Variants in TUBB4A observed in about 807,000 individuals in gnomAD.
TUBB4A encodes the protein tubulin beta-4A chain.
In TUBB4A, 13 loss-of-function variants were observed where a neutral mutation model predicts 35.1. The ratio of observed to expected loss-of-function variants is 0.37; its 90% CI spans 0.24 to 0.59. The LOEUF is 0.59. Ranked by LOEUF, TUBB4A falls within the 20% of genes least tolerant of loss-of-function variation. The pLI, the probability that TUBB4A is intolerant of heterozygous loss-of-function variation, is 0.71. For missense variants in TUBB4A, 299 were observed against 647.2 expected (o/e 0.46, Z 5.84); for synonymous variants, 279 against 272.4 (o/e 1.02, Z -0.24).
chr19:6,502,338 T>C (rs1165474218), upstream of TUBB4A: 5 of 1,123,914 alleles, frequency 4.4e-6, no homozygotes. Context: ...AGCCGCTATA[T>C]GAGCGGGCGG....
chr19:6,495,773 G>A lies in TUBB4A; in HGVS notation c.726C>T (p.Phe242=). 6.2e-7 allele frequency: 1 copy of A among 1,614,242 alleles called. No individual in the cohort carries two copies. ...GCAGGTCGGCGTTCAGCTGGCCCGG[G>A]AAGCGCAGGCAGGTGGTGACCCCGC... is the stretch of plus-strand genomic sequence containing the variant. ...TMSGVTTCLR[F]PGQLNADLRK... is the part of the protein sequence containing the mutation. The change falls in exon 4 of 4, where the codon TTC becomes TTT. Residue 242 remains phenylalanine, a synonymous_variant. Transcript: ENST00000264071. The surrounding 1 kb of genome is among the most constrained non-coding windows in gnomAD (Gnocchi z 8.7).
intron 3 of TUBB4A, among the ~76,000 whole-genome samples, chr19:6,500,136 G>T (rs1006430587): frequency 1.3e-5 from 2 of 151,840 alleles, no homozygotes; most frequent in African/African-American, 4.8e-5. Context: ...TGTTTTATTT[G>T]ATCTTTTTTA....
At chr19:6,500,745 GA>G (rs113460662) in intron 3 of TUBB4A, 208 of 126,220 alleles carry the variant, frequency 1.6e-3, no homozygotes, top group East Asian at 0.016. Flanking sequence ...GACCCTGTCT[GA>G]AAAAAAAAAA....
intron 3 of TUBB4A, chr19:6,496,500 G>C (rs1379732036): frequency 3.1e-6 from 1 of 323,394 alleles, no homozygotes; most frequent in Non-Finnish European, 5.8e-6. Context: ...GAGTGGTGGC[G>C]GGCGCCTGTA....
At position 6,501,935 on chromosome 19, in the gene TUBB4A, C is replaced by A. The variant is rs1487039073; in HGVS notation, c.57+221G>T. The A allele has an allele frequency of 1.9e-5, 11 of 589,808 alleles. No homozygotes were observed. Among genetic ancestry groups the A allele is most frequent in the Non-Finnish European group, 3.2e-5 (11 of 339,296 alleles). The allele number at this position is 589,808 out of a possible 1,614,324, so 36.5% of individuals were successfully genotyped here. A position where few individuals can be genotyped will look rare whatever the true frequency, so the allele number is the denominator to read the frequency against. ...CAGCTGTGGGCCCAGCTGTGACAGG[C>A]GGACAGAAGGCTGGCTCCCACTCTC... is the stretch of plus-strand genomic sequence containing the variant. On this transcript the variant is annotated intron_variant, in intron 1 of 3. Coordinates refer to ENST00000264071, the MANE Select transcript of TUBB4A (RefSeq NM_006087.4). The surrounding 1 kb of genome is among the most constrained non-coding windows in gnomAD (Gnocchi z 4.2).
chr19:6,502,801 G>A (rs3760749), upstream of TUBB4A: 106,624 of 152,180 alleles, frequency 0.7, 38,364 homozygotes, highest in Non-Finnish European at 0.78. Flanking sequence ...CTGGTTTGCG[G>A]GTGGGGGGCG....
Position 6,501,243 on chromosome 19 carries a change from A to G in TUBB4A, c.277+44T>C. ...TGTTGACTCTGTGGTGTTAGCAGGA[A>G]TAAGGAGGTTTTCCAGCCTCTGGCT... On this transcript the variant is annotated intron_variant, in intron 3 of 3. Coordinates refer to ENST00000264071, the MANE Select transcript of TUBB4A (RefSeq NM_006087.4). The surrounding 1 kb of genome is among the most constrained non-coding windows in gnomAD (Gnocchi z 4.2). 1.9e-6 allele frequency: 3 copies of G among 1,541,038 alleles called. No homozygotes were observed. Among genetic ancestry groups the G allele is most frequent in the Non-Finnish European group, 2.7e-6 (3 of 1,121,386 alleles).
In TUBB4A at chr19:6,494,995, G is replaced by C; in HGVS notation, c.*169C>G. ...TAAATTAGGGCTCAAAGGGGAGCCAGGGTCGGAGATGAAGTAGCCAGAGGT... is the reference window on the plus strand; with the variant it reads ...TAAATTAGGGCTCAAAGGGGAGCCACGGTCGGAGATGAAGTAGCCAGAGGT... On this transcript the variant is annotated 3_prime_UTR_variant, in exon 4 of 4. Coordinates refer to ENST00000264071, the MANE Select transcript of TUBB4A (RefSeq NM_006087.4). 1.3e-6 allele frequency: 1 copy of C among 769,508 alleles called. No individual in the cohort carries two copies. Among genetic ancestry groups the C allele is most frequent in the South Asian group, 1.9e-5 (1 of 53,742 alleles). 47.7% of individuals were successfully genotyped at this position (769,508 alleles called of 1,614,324 possible).
In TUBB4A at chr19:6,497,356, G is replaced by C. The variant is rs1414439228; in HGVS notation, c.278-1135C>G. Among the ~76,000 whole-genome samples the C allele has an allele frequency of 2.2e-4, 34 of 151,580 alleles. No homozygotes were observed. In the Admixed American group the frequency reaches 2.2e-3, roughly 10 times the overall value. On this transcript the variant is annotated intron_variant, in intron 3 of 3. Coordinates refer to ENST00000264071, the MANE Select transcript of TUBB4A (RefSeq NM_006087.4). ...GGCTCACTGCAGCCTTGACTTCCCA[G>C]GTTCAAGTGATCCTCCTGCCCCAGC...
Position 6,502,250 on chromosome 19 carries a change from C to A in TUBB4A, c.-38G>T, listed in dbSNP as rs772522311. ...GAGGGTGGACGCGGCGGCGGTGGCA[C>A]GAGCGCGGGGAGCTGCGGCGGCGGC... On this transcript the variant is annotated 5_prime_UTR_variant, in exon 1 of 4. Transcript: ENST00000264071. 1 of 1,496,566 alleles carries A rather than the reference C, an allele frequency of 6.7e-7. No homozygotes were observed. Among genetic ancestry groups the A allele is most frequent in the Non-Finnish European group, 8.8e-7 (1 of 1,131,046 alleles). The allele number at this position is 1,496,566 out of a possible 1,614,324, so 92.7% of individuals were successfully genotyped here.
At position 6,497,917 on chromosome 19, in the gene TUBB4A, A is replaced by G. The variant is rs547340536; in HGVS notation, c.278-1696T>C. Among the ~76,000 whole-genome samples, 59 of 136,342 alleles carry G rather than the reference A, an allele frequency of 4.3e-4. 1 individual carries two copies. The highest frequency in any genetic ancestry group is 4.7e-4 in the Non-Finnish European group (30 of 64,192). 89.4% of individuals were successfully genotyped at this position (136,342 alleles called of 152,430 possible). A position where few individuals can be genotyped will look rare whatever the true frequency, so the allele number is the denominator to read the frequency against. On this transcript the variant is annotated intron_variant, in intron 3 of 3. Transcript: ENST00000264071. ...CCGTCTCAAAAAAAAAAAAAAAAAA[A>G]AAGAAGAATATTGGCCAGGCGTGGT...
rs1416082643 is a variant in TUBB4A at position 6,501,947 on chromosome 19, T to A, written c.57+209A>T. Among the ~76,000 whole-genome samples, 1 of 152,140 alleles carries A rather than the reference T, an allele frequency of 6.6e-6. No individual in the cohort carries two copies. The highest frequency in any genetic ancestry group is 2.4e-5 in the African/African-American group (1 of 41,458). ...CAGCTGTGACAGGCGGACAGAAGGC[T>A]GGCTCCCACTCTCCGCAGCCTCTTT... On this transcript the variant is annotated intron_variant, in intron 1 of 3. Coordinates refer to ENST00000264071, the MANE Select transcript of TUBB4A (RefSeq NM_006087.4). The surrounding 1 kb of genome is among the most constrained non-coding windows in gnomAD (Gnocchi z 4.2).
At chr19:6,500,921 T>G (rs979996388) in intron 3 of TUBB4A, 51 of 210,934 alleles carry the variant, frequency 2.4e-4, no homozygotes, top group African/African-American at 1.1e-3. Context: ...GGCTGTTTGA[T>G]TCTTACCTGG....
Position 6,495,210 on chromosome 19 carries a change from G to T in TUBB4A, c.1289C>A (p.Ala430Asp). Residue 430 changes from alanine to aspartate, a missense_variant, in exon 4 of 4, where the codon GCC (alanine) becomes GAC (aspartate). Coordinates refer to ENST00000264071, the MANE Select transcript of TUBB4A (RefSeq NM_006087.4). The surrounding 1 kb of genome is among the most constrained non-coding windows in gnomAD (Gnocchi z 8.7). ...SEYQQYQDAT[A>D]EEGEFEEEAE... is the part of the protein sequence containing the mutation. Reference sequence around the variant, plus strand: ...CTCCTCCTCGAACTCGCCCTCCTCGGCCGTGGCGTCCTGGTACTGCTGGTA... The same window carrying T: ...CTCCTCCTCGAACTCGCCCTCCTCGTCCGTGGCGTCCTGGTACTGCTGGTA... The T allele has an allele frequency of 6.2e-7, 1 of 1,613,920 alleles. No homozygotes were observed. Among genetic ancestry groups the T allele is most frequent in the Non-Finnish European group, 8.5e-7 (1 of 1,179,878 alleles).
Position 6,498,873 on chromosome 19 carries a change from G to A in TUBB4A, c.277+2414C>T, listed in dbSNP as rs570854470. 8.3e-4 allele frequency among the ~76,000 whole-genome samples: 127 copies of A among 152,290 alleles called. 1 individual carries two copies. The highest frequency in any genetic ancestry group is 3.0e-3 in the African/African-American group (125 of 41,562). ...AACATAATGATGCAGTTTTGTGGCC[G>A]TGGCCCATCATAGGTCCTTGGGAAA... On this transcript the variant is annotated intron_variant, in intron 3 of 3. Transcript: ENST00000264071.
chr19:6,502,320 C>A, upstream of TUBB4A: 1 of 1,259,808 alleles, frequency 7.9e-7, no homozygotes, highest in Non-Finnish European at 1.0e-6. Flanking sequence ...GGTCCCTGCG[C>A]CCCCGGGAGC....
chr19:6,498,871 C>A (rs146865537), intron 3 of TUBB4A, among the ~76,000 whole-genome samples: 1 of 152,156 alleles, frequency 6.6e-6, no homozygotes, highest in Non-Finnish European at 1.5e-5. Context: ...AGTTTTGTGG[C>A]CGTGGCCCAT....
chr19:6,495,830 C>T lies in TUBB4A; in HGVS notation c.669G>A (p.Gly223=). 1 of 1,614,182 alleles carries T rather than the reference C, an allele frequency of 6.2e-7. No homozygotes were observed. The highest frequency in any genetic ancestry group is 8.5e-7 in the Non-Finnish European group (1 of 1,180,020). The change falls in exon 4 of 4, where the codon GGG becomes GGA. Residue 223 remains glycine, a synonymous_variant. Coordinates refer to ENST00000264071, the MANE Select transcript of TUBB4A (RefSeq NM_006087.4). This position sits in a 1 kb window ranked among gnomAD's most constrained non-coding sequence, Gnocchi z 8.7. The part of the protein sequence containing the change: ...RTLKLTTPTY[G]DLNHLVSATM... ...TGGCCGACACCAGGTGGTTGAGGTCCCCGTAGGTGGGGGTGGTCAGCTTGA... is the reference window on the plus strand; with the variant it reads ...TGGCCGACACCAGGTGGTTGAGGTCTCCGTAGGTGGGGGTGGTCAGCTTGA...
In TUBB4A at chr19:6,501,838, G is replaced by A. The variant is rs1358725253; in HGVS notation, c.58-215C>T. On this transcript the variant is annotated intron_variant, in intron 1 of 3. Transcript: ENST00000264071. This position sits in a 1 kb window ranked among gnomAD's most constrained non-coding sequence, Gnocchi z 4.2. ...AGTCAGCACCCAGCGGGGCCGGCTG[G>A]TGCCAGCGCACCCAGGCTGCAGCCC... 5 of 592,530 alleles carry A rather than the reference G, an allele frequency of 8.4e-6. No homozygotes were observed. The highest frequency in any genetic ancestry group is 1.5e-5 in the Non-Finnish European group (5 of 336,408). 36.7% of individuals were successfully genotyped at this position (592,530 alleles called of 1,614,324 possible). A position where few individuals can be genotyped will look rare whatever the true frequency, so the allele number is the denominator to read the frequency against.
Sources: allele counts gnomAD v4.1 joint callset (sites outside exome capture counted in the v4.1 genomes callset), GRCh38; gene constraint gnomAD v4.1.1; non-coding constraint Gnocchi (gnomAD v3.1); transcripts MANE v1.5; gene names NCBI Gene and HGNC (gene_info 2026-07-23, HGNC 2026-07-21).